SYNE2: variants seen among roughly 807,000 people sequenced by gnomAD.
The protein encoded by SYNE2 is spectrin repeat containing nuclear envelope protein 2, also known as nesprin-2.
A neutral mutation model predicts 856.3 loss-of-function variants in SYNE2; 431 were observed. That is an observed-to-expected ratio of 0.50 (90% confidence interval 0.47 to 0.55). The LOEUF is 0.55. SYNE2 is among the 20% of genes least tolerant of loss of function. The pLI, the probability that SYNE2 is intolerant of heterozygous loss-of-function variation, is 0.00. For synonymous variants in SYNE2, 2,923 were observed against 2,872.3 expected (o/e 1.02, Z -0.56); for missense variants, 8,129 against 8,023.2 (o/e 1.01, Z -0.50).
Position 63,993,919 on chromosome 14 carries a change from A to G in SYNE2, c.2731A>G (p.Ile911Val), listed in dbSNP as rs1168499310. Reference sequence around the variant, plus strand: ...ACTAAAAAATAATGTAACTGAGGACATAAAGATGTCTTTAGAAGAAAAGAG... The same window carrying G: ...ACTAAAAAATAATGTAACTGAGGACGTAAAGATGTCTTTAGAAGAAAAGAG... ...EELKNNVTED[I>V]KMSLEEKSRD... The change falls in exon 22 of 116, where the codon ATA (isoleucine) becomes GTA (valine). Residue 911 changes from isoleucine to valine, a missense_variant. Physicochemically the swap from Ile to Val is conservative, Grantham distance 29. Transcript: ENST00000555002. 15 of 1,613,520 alleles carry G rather than the reference A, an allele frequency of 9.3e-6. No homozygotes were observed. In the East Asian group the frequency reaches 3.1e-4, roughly 34 times the overall value.
intron 44 of SYNE2, among the ~76,000 whole-genome samples, chr14:64,030,654 T>C (rs897625080): frequency 1.3e-5 from 2 of 152,248 alleles, no homozygotes; most frequent in Non-Finnish European, 2.9e-5. Flanking sequence ...ACATTCTAAA[T>C]GATTCTTCTA....
intron 34 of SYNE2, among the ~76,000 whole-genome samples, 187 bp from the exon 35 acceptor site, chr14:64,019,805 G>T (rs2096923117): frequency 6.6e-6 from 1 of 152,158 alleles, no homozygotes; most frequent in Admixed American, 6.5e-5. Context: ...AAGACGCTTG[G>T]TTGTAGCATT....
At chr14:63,785,839 C>A (rs562657894) in intron 1 of SYNE2, among the ~76,000 whole-genome samples, 1 of 152,198 alleles carries the variant, frequency 6.6e-6, no homozygotes, top group African/African-American at 2.4e-5. Flanking sequence ...GGCATGGTGG[C>A]TCACACCTGT....
intron 79 of SYNE2, 27 bp from the exon 80 acceptor site, chr14:64,139,914 C>T (rs753972481): frequency 9.3e-6 from 15 of 1,613,374 alleles, no homozygotes; most frequent in African/African-American, 1.3e-5. Flanking sequence ...TTCTAATCTG[C>T]CTTCTCTCTC....
Position 64,165,962 on chromosome 14 carries a change from T to A in SYNE2, c.16605+552T>A, listed in dbSNP as rs530877595. 1.2e-4 allele frequency among the ~76,000 whole-genome samples: 18 copies of A among 152,344 alleles called. 2 individuals are homozygous for A. In the South Asian group the frequency reaches 3.7e-3, roughly 32 times the overall value. Reference sequence around the variant, plus strand: ...GATGTTTTTTCATAATTACCGTCAGTGAACTGAAATAATCTAGAAATTGGC... The same window carrying A: ...GATGTTTTTTCATAATTACCGTCAGAGAACTGAAATAATCTAGAAATTGGC... On this transcript the variant is annotated intron_variant, in intron 90 of 115. Coordinates refer to ENST00000555002, the MANE Select transcript of SYNE2 (RefSeq NM_182914.3).
chr14:63,953,785 ACTT>A (rs1356939650), intron 7 of SYNE2, among the ~76,000 whole-genome samples: 1 of 152,134 alleles, frequency 6.6e-6, no homozygotes, highest in Non-Finnish European at 1.5e-5. Flanking sequence ...TGACCATTCT[ACTT>A]CTCTATGAAT....
rs1234923737 is a variant in SYNE2, at chr14:64,177,473, A to G, written c.17546A>G (p.Glu5849Gly). The change falls in exon 96 of 116, where the codon GAG (glutamate) becomes GGG (glycine). Residue 5849 changes from glutamate (E) to glycine (G), a missense_variant. Glu to Gly is a moderately conservative substitution (Grantham distance 98, BLOSUM62 -2). This residue lies in a region of SYNE2 where 5,410 missense variants were observed against 5,284.8 expected (regional missense o/e 1.02). Coordinates refer to ENST00000555002, the MANE Select transcript of SYNE2 (RefSeq NM_182914.3). Reference sequence around the variant, plus strand: ...CACGAGGACCTCCATAACGAAAAAGAGCTGATTAAGGTATTGAAATCCAAA... The same window carrying G: ...CACGAGGACCTCCATAACGAAAAAGGGCTGATTAAGGTATTGAAATCCAAA... ...ELHEDLHNEK[E>G]LIKELEQSLA... is the part of the protein sequence containing the mutation. 1.9e-6 allele frequency: 3 copies of G among 1,614,186 alleles called. No homozygotes were observed. Among genetic ancestry groups the G allele is most frequent in the South Asian group, 2.2e-5 (2 of 91,080 alleles).
chr14:64,030,167 G>T, intron 44 of SYNE2, 108 bp downstream of exon 44: 1 of 1,056,726 alleles, frequency 9.5e-7, no homozygotes, highest in Non-Finnish European at 1.4e-6. Flanking sequence ...GTATTCAGAT[G>T]ACTCTTAGGT....
chr14:63,967,224 T>C (rs2096405746), intron 10 of SYNE2, among the ~76,000 whole-genome samples: 1 of 152,210 alleles, frequency 6.6e-6, no homozygotes, highest in Non-Finnish European at 1.5e-5. Context: ...CTTTACTTAC[T>C]AAATATTTGA....
At chr14:63,935,578 A>C (rs1309043612) in intron 2 of SYNE2, among the ~76,000 whole-genome samples, 1 of 152,242 alleles carries the variant, frequency 6.6e-6, no homozygotes, top group African/African-American at 2.4e-5. Context: ...TATTAGATAG[A>C]GATTAATAAG....
chr14:63,762,079 T>G (rs1253294734), intron 1 of SYNE2: 1 of 484,538 alleles, frequency 2.1e-6, no homozygotes, highest in East Asian at 5.8e-5. Flanking sequence ...GACTGTACAA[T>G]TTGTTCAATG....
chr14:64,120,719 T>C (rs2097891796), intron 67 of SYNE2, among the ~76,000 whole-genome samples: 1 of 152,122 alleles, frequency 6.6e-6, no homozygotes. Flanking sequence ...GCCAAGATCA[T>C]GCCCTTGCAC....
intron 1 of SYNE2, among the ~76,000 whole-genome samples, chr14:63,897,033 C>G (rs1296587413): frequency 6.6e-6 from 1 of 152,076 alleles, no homozygotes; most frequent in African/African-American, 2.4e-5. Context: ...AGGCAGATCA[C>G]CTGTCATCAG....
At chr14:63,876,968 CAG>C (rs2094739032) in intron 1 of SYNE2, among the ~76,000 whole-genome samples, 3 of 152,152 alleles carry the variant, frequency 2.0e-5, no homozygotes, top group Admixed American at 2.0e-4. Context: ...AACATCCACT[CAG>C]AGCCAGAAAT....
At chr14:64,050,586 T>C (rs1465987490) in intron 47 of SYNE2, among the ~76,000 whole-genome samples, 3 of 152,152 alleles carry the variant, frequency 2.0e-5, no homozygotes, top group Admixed American at 2.0e-4. Flanking sequence ...GCATAATTAG[T>C]TAAATAGTTT....
At chr14:63,852,490 C>T (rs992498520), upstream of SYNE2, among the ~76,000 whole-genome samples, 3 of 152,172 alleles carry the variant, frequency 2.0e-5, no homozygotes, top group Non-Finnish European at 4.4e-5. Context: ...AACGCCTCCC[C>T]TTCTCTCCAG....
At chr14:64,166,147 T>A (rs1477901096) in intron 90 of SYNE2, among the ~76,000 whole-genome samples, 1 of 152,214 alleles carries the variant, frequency 6.6e-6, no homozygotes, top group East Asian at 1.9e-4. Flanking sequence ...ATAACTTAGA[T>A]CAGCAGTCAA....
At position 63,954,772 on chromosome 14, in the gene SYNE2, C is replaced by G. The variant is rs2096219581; in HGVS notation, c.644C>G (p.Ala215Gly). 1 of 1,613,810 alleles carries G rather than the reference C, an allele frequency of 6.2e-7. No individual in the cohort carries two copies. The highest frequency in any genetic ancestry group is 1.3e-5 in the African/African-American group (1 of 74,880). ...DFKSSWRNGM[A>G]FLAIIHALRP... ...AAGTCAAGTTGGAGAAATGGGATGG[C>G]TTTTTTGGCCATCATTCATGCCTTG... Residue 215 changes from alanine to glycine, a missense_variant, in exon 8 of 116, where the codon GCT becomes GGT. By Grantham distance (60) the Ala-to-Gly change is moderately conservative (BLOSUM62 0). Around this residue, in one of 3 missense-constraint regions of SYNE2, gnomAD observed 2,422 missense variants for 2,357.4 expected, o/e 1.03. Transcript: ENST00000555002.
chr14:64,055,299 T>G (rs1014177644), intron 48 of SYNE2, among the ~76,000 whole-genome samples: 2 of 152,162 alleles, frequency 1.3e-5, no homozygotes, highest in Non-Finnish European at 2.9e-5. Flanking sequence ...GGAAGATACA[T>G]TAATAGACAT....
Sources: allele counts gnomAD v4.1 joint callset (sites outside exome capture counted in the v4.1 genomes callset), GRCh38; gene constraint gnomAD v4.1.1; regional missense constraint gnomAD v4.1.1; transcripts MANE v1.5; gene names NCBI Gene and HGNC (gene_info 2026-07-23, HGNC 2026-07-21).